The following ID3 variants were observed in gnomAD, a reference collection of about 807,000 sequenced individuals.
ID3 encodes inhibitor of DNA binding 3, also known as DNA-binding protein inhibitor ID-3.
A neutral mutation model predicts 9.6 loss-of-function variants in ID3; 4 were observed. The ratio of observed to expected loss-of-function variants is 0.42; its 90% CI spans 0.21 to 0.96. ID3 has a LOEUF of 0.96. Ranked by LOEUF, ID3 falls within the 40% of genes least tolerant of loss-of-function variation. The probability of loss-of-function intolerance (pLI) is 0.30; values close to 1 mark genes in which losing one functional copy is unlikely to be tolerated. For missense variants in ID3, 191 were observed against 164.5 expected, an observed-to-expected ratio of 1.16 and a Z score of -0.88; for synonymous variants, 108 against 75.2, an observed-to-expected ratio of 1.44 and a Z score of -2.26.
chr1:23,558,272 C>T lies in ID3; in HGVS notation c.*169G>A, dbSNP rs1223430412. On this transcript the variant is annotated 3_prime_UTR_variant, in exon 3 of 3. Transcript: ENST00000374561. Reference sequence around the variant, plus strand: ...CAGGCCACAAGTTCACAGTCCTTCGCTCCTGAGCACCAGGTTTAGTCTCCA... The same window carrying T: ...CAGGCCACAAGTTCACAGTCCTTCGTTCCTGAGCACCAGGTTTAGTCTCCA... The T allele has an allele frequency of 6.6e-6, 1 of 152,606 alleles. No individual in the cohort carries two copies. The highest frequency in any genetic ancestry group is 1.5e-5 in the Non-Finnish European group (1 of 68,186). 9.5% of individuals were successfully genotyped at this position (152,606 alleles called of 1,614,324 possible).
Position 23,558,996 on chromosome 1 carries a change from A to G in ID3, c.324T>C (p.Leu108=), listed in dbSNP as rs1401070837. 1.2e-6 allele frequency: 2 copies of G among 1,614,094 alleles called. No homozygotes were observed. Among genetic ancestry groups the G allele is most frequent in the African/African-American group, 2.7e-5 (2 of 74,944 alleles). Residue 108 remains leucine, a synonymous_variant, in exon 2 of 3, where the codon CTT becomes CTC. Coordinates refer to ENST00000374561, the MANE Select transcript of ID3 (RefSeq NM_002167.5). The stretch of plus-strand genomic sequence containing the variant: ...AGCTCCTTTTGTCGTTGGAGATGAC[A>G]AGTTCCGGAGTGAGCTCGGCTGTCT... ...PIQTAELTPE[L]VISNDKRSFC...
At position 23,559,229 on chromosome 1, in the gene ID3, C is replaced by T. The variant is rs934808402; in HGVS notation, c.198G>A (p.Gln66=). The change falls in exon 1 of 3, where the codon CAG becomes CAA. Residue 66 remains glutamine (Q), a synonymous_variant. Transcript: ENST00000374561. ...PGVPRGTQLS[Q]VEILQRVIDY... is the part of the protein sequence containing the mutation. ...CGATGACGCGCTGTAGGATTTCCAC[C>T]TGGCTAAGCTGAGTGCCTCTCGGGA... The T allele has an allele frequency of 3.7e-6, 6 of 1,614,122 alleles. No homozygotes were observed. The highest frequency in any genetic ancestry group is 1.3e-5 in the African/African-American group (1 of 74,946).
In ID3 at chr1:23,559,488, GTGACC is replaced by G. The variant is rs1643693742; in HGVS notation, c.-67_-63del. The G allele has an allele frequency of 3.2e-6, 5 of 1,539,732 alleles. No homozygotes were observed. Among genetic ancestry groups the G allele is most frequent in the African/African-American group, 1.4e-5 (1 of 73,090 alleles). The stretch of plus-strand genomic sequence containing the variant: ...GAAAACCAAAAGAAGTCCCGCTACA[GTGACC>G]TGCAACGCGCGCACGCTCGCCGCGG... On this transcript the variant is annotated 5_prime_UTR_variant, in exon 1 of 3. Coordinates refer to ENST00000374561, the MANE Select transcript of ID3 (RefSeq NM_002167.5).
intron 2 of ID3, chr1:23,558,629 GGAGGGGGCTGCCGAAGA>G (rs1307132018): frequency 3.8e-6 from 1 of 263,808 alleles, no homozygotes. Context: ...ACACTAGCTG[GGAGGGGGCTGCCGAAGA>G]CAGCTCCCTA....
rs765906626 is a variant in ID3 at position 23,559,393 on chromosome 1, C to T, written c.34G>A (p.Glu12Lys). 1.3e-4 allele frequency: 204 copies of T among 1,612,582 alleles called. No homozygotes were observed. Among genetic ancestry groups the T allele is most frequent in the African/African-American group, 2.5e-4 (19 of 75,050 alleles). ...KALSPVRGCY[E>K]AVCCLSERSL... ...CGTTCCGACAGGCAGCACACCGCCTCGTAGCAGCCGCGCACCGGGCTCAGC... is the reference window on the plus strand; with the variant it reads ...CGTTCCGACAGGCAGCACACCGCCTTGTAGCAGCCGCGCACCGGGCTCAGC... The change falls in exon 1 of 3, where the codon GAG (glutamate) becomes AAG (lysine). Residue 12 changes from glutamate to lysine, a missense_variant. Physicochemically the swap from Glu to Lys is moderately conservative, Grantham distance 56 (BLOSUM62 1). Coordinates refer to ENST00000374561, the MANE Select transcript of ID3 (RefSeq NM_002167.5).
chr1:23,558,803 A>C (rs192960463), intron 2 of ID3, 132 bp downstream of exon 2: 89 of 631,314 alleles, frequency 1.4e-4, no homozygotes, highest in Middle Eastern at 4.1e-4. Context: ...CATTTGATGC[A>C]ACCATGGGCA....
chr1:23,559,109 C>G lies in ID3; in HGVS notation c.300+18G>C. 1.9e-6 allele frequency: 3 copies of G among 1,613,484 alleles called. No homozygotes were observed. Among genetic ancestry groups the G allele is most frequent in the Middle Eastern group, 1.6e-4 (1 of 6,062 alleles). ...TCCTTGCCTGGGTGTTCAGCCCTGT[C>G]CCGACTTCGAGGCTTACCTGGATGG... On this transcript the variant is annotated intron_variant, in intron 1 of 2. Coordinates refer to ENST00000374561, the MANE Select transcript of ID3 (RefSeq NM_002167.5).
chr1:23,558,798 G>A (rs1226115602), intron 2 of ID3, 137 bp downstream of exon 2: 1 of 625,700 alleles, frequency 1.6e-6, no homozygotes, highest in East Asian at 2.8e-5. Context: ...CCATTCATTT[G>A]ATGCAACCAT....
rs753180704 is a variant in ID3 at position 23,559,290 on chromosome 1, T to C, written c.137A>G (p.His46Arg). Residue 46 changes from histidine (H) to arginine (R), a missense_variant, in exon 1 of 3, where the codon CAC (histidine) becomes CGC (arginine). Coordinates refer to ENST00000374561, the MANE Select transcript of ID3 (RefSeq NM_002167.5). ...CAGTTCCCGCAGGCGGGAGTAGCAG[T>C]GGTTCATGTCGTCCAGCAAGCTCAG... is the stretch of plus-strand genomic sequence containing the variant. ...EPLSLLDDMN[H>R]CYSRLRELVP... The C allele has an allele frequency of 6.2e-7, 1 of 1,613,994 alleles. No individual in the cohort carries two copies. Among genetic ancestry groups the C allele is most frequent in the South Asian group, 1.1e-5 (1 of 91,082 alleles).
chr1:23,558,971 A>G lies in ID3; in HGVS notation c.349T>C (p.Phe117Leu), dbSNP rs777614674. Reference protein sequence around the residue: ...ELVISNDKRSFCH With the variant: ...ELVISNDKRSLCH ...AGGACACGGCCGAGTCAGTGGCAAAAGCTCCTTTTGTCGTTGGAGATGACA... is the reference window on the plus strand; with the variant it reads ...AGGACACGGCCGAGTCAGTGGCAAAGGCTCCTTTTGTCGTTGGAGATGACA... Residue 117 changes from phenylalanine (F) to leucine (L), a missense_variant, in exon 2 of 3, where the codon TTT (phenylalanine) becomes CTT (leucine). Coordinates refer to ENST00000374561, the MANE Select transcript of ID3 (RefSeq NM_002167.5). 1 of 1,614,140 alleles carries G rather than the reference A, an allele frequency of 6.2e-7. No homozygotes were observed. Among genetic ancestry groups the G allele is most frequent in the East Asian group, 2.2e-5 (1 of 44,886 alleles).
Position 23,559,172 on chromosome 1 carries a change from G to T in ID3, c.255C>A (p.Ala85=), listed in dbSNP as rs139428797. Residue 85 remains alanine (A), a synonymous_variant, in exon 1 of 3, where the codon GCC becomes GCA. Transcript: ENST00000374561. The part of the protein sequence containing the change: ...DYILDLQVVL[A]EPAPGPPDGP... Reference sequence around the variant, plus strand: ...CATCAGGGGGTCCAGGGGCTGGCTCGGCCAGGACTACCTGCAGGTCGAGAA... The same window carrying T: ...CATCAGGGGGTCCAGGGGCTGGCTCTGCCAGGACTACCTGCAGGTCGAGAA... 6.2e-7 allele frequency: 1 copy of T among 1,614,068 alleles called. No individual in the cohort carries two copies.
At chr1:23,559,060 G>A (rs1463290429) in intron 1 of ID3, 41 bp from the exon 2 acceptor site, 14 of 1,612,516 alleles carry the variant, frequency 8.7e-6, no homozygotes, top group East Asian at 2.2e-5. Flanking sequence ...CGAGGCAATC[G>A]GGAGCTCCGA....
In ID3 at chr1:23,559,115, T is replaced by C; in HGVS notation, c.300+12A>G. 1.2e-6 allele frequency: 2 copies of C among 1,613,488 alleles called. No individual in the cohort carries two copies. Among genetic ancestry groups the C allele is most frequent in the Non-Finnish European group, 1.7e-6 (2 of 1,179,442 alleles). On this transcript the variant is annotated intron_variant, in intron 1 of 2. Transcript: ENST00000374561. ...CCTGGGTGTTCAGCCCTGTCCCGAC[T>C]TCGAGGCTTACCTGGATGGGAAGGT...
rs764184904 is a variant in ID3, at chr1:23,559,111, C to G, written c.300+16G>C. On this transcript the variant is annotated intron_variant, in intron 1 of 2. Transcript: ENST00000374561. ...CTTGCCTGGGTGTTCAGCCCTGTCC[C>G]GACTTCGAGGCTTACCTGGATGGGA... The G allele has an allele frequency of 3.1e-6, 5 of 1,613,394 alleles. No individual in the cohort carries two copies. The highest frequency in any genetic ancestry group is 1.3e-5 in the African/African-American group (1 of 75,042).
chr1:23,559,380 C>T lies in ID3; in HGVS notation c.47G>A (p.Cys16Tyr). The change falls in exon 1 of 3, where the codon TGC becomes TAC. Residue 16 changes from cysteine (C) to tyrosine (Y), a missense_variant. By Grantham distance (194) the Cys-to-Tyr change is radical. Coordinates refer to ENST00000374561, the MANE Select transcript of ID3 (RefSeq NM_002167.5). ...PVRGCYEAVCCLSERSLAIAR... is the reference protein window; with the variant it reads ...PVRGCYEAVCYLSERSLAIAR... ...GATGGCCAGACTGCGTTCCGACAGG[C>T]AGCACACCGCCTCGTAGCAGCCGCG... is the stretch of plus-strand genomic sequence containing the variant. The T allele has an allele frequency of 6.2e-7, 1 of 1,613,090 alleles. No homozygotes were observed. The highest frequency in any genetic ancestry group is 8.5e-7 in the Non-Finnish European group (1 of 1,179,922).
chr1:23,559,323 T>G lies in ID3; in HGVS notation c.104A>C (p.Glu35Ala). Residue 35 changes from glutamate (E) to alanine (A), a missense_variant, in exon 1 of 3, where the codon GAG becomes GCG. Physicochemically the swap from Glu to Ala is moderately radical, Grantham distance 107. Coordinates refer to ENST00000374561, the MANE Select transcript of ID3 (RefSeq NM_002167.5). ...ARGRGKGPAA[E>A]EPLSLLDDMN... ...GTCGTCCAGCAAGCTCAGCGGCTCC[T>G]CAGCTGCCGGGCCCTTCCCTCGGCC... 3.1e-6 allele frequency: 5 copies of G among 1,613,660 alleles called. No homozygotes were observed. The highest frequency in any genetic ancestry group is 4.2e-6 in the Non-Finnish European group (5 of 1,180,018).
Position 23,558,910 on chromosome 1 carries a change from C to T in ID3, c.*25+25G>A, listed in dbSNP as rs758320057. 1.2e-5 allele frequency: 19 copies of T among 1,523,990 alleles called. No individual in the cohort carries two copies. In the Admixed American group the frequency reaches 1.4e-4, roughly 11 times the overall value. 94.4% of individuals were successfully genotyped at this position (1,523,990 alleles called of 1,614,324 possible). A position where few individuals can be genotyped will look rare whatever the true frequency, so the allele number is the denominator to read the frequency against. On this transcript the variant is annotated intron_variant, in intron 2 of 2. Coordinates refer to ENST00000374561, the MANE Select transcript of ID3 (RefSeq NM_002167.5). ...CTCCAGGACTTGCCGTTTAAACCTC[C>T]CTCTCCAAGAGAGGAGATACTCACC...
At position 23,559,493 on chromosome 1, in the gene ID3, C is replaced by T. The variant is rs983975205; in HGVS notation, c.-67G>A. ...CCAAAAGAAGTCCCGCTACAGTGAC[C>T]TGCAACGCGCGCACGCTCGCCGCGG... On this transcript the variant is annotated 5_prime_UTR_variant, in exon 1 of 3. Coordinates refer to ENST00000374561, the MANE Select transcript of ID3 (RefSeq NM_002167.5). 4.0e-6 allele frequency: 6 copies of T among 1,507,306 alleles called. No individual in the cohort carries two copies. Among genetic ancestry groups the T allele is most frequent in the African/African-American group, 1.4e-5 (1 of 71,850 alleles). 93.4% of individuals were successfully genotyped at this position (1,507,306 alleles called of 1,614,324 possible).
At position 23,557,957 on chromosome 1, in the gene ID3, A is replaced by G. The variant is rs1465230642; in HGVS notation, c.*484T>C. The G allele has an allele frequency of 1.3e-5, 2 of 152,666 alleles. No individual in the cohort carries two copies. Among genetic ancestry groups the G allele is most frequent in the Admixed American group, 6.5e-5 (1 of 15,292 alleles). 9.5% of individuals were successfully genotyped at this position (152,666 alleles called of 1,614,324 possible). A position where few individuals can be genotyped will look rare whatever the true frequency, so the allele number is the denominator to read the frequency against. On this transcript the variant is annotated 3_prime_UTR_variant, in exon 3 of 3. Coordinates refer to ENST00000374561, the MANE Select transcript of ID3 (RefSeq NM_002167.5). ...AGTGTTTAAAAATCGTTTATTATGC[A>G]AAATGTTAACTTTTATAAAAAGTTT...
Sources: gnomAD v4.1 joint callset for allele counts on GRCh38, gnomAD v4.1.1 for gene constraint, MANE v1.5 for transcripts, NCBI Gene and HGNC (gene_info 2026-07-23, HGNC 2026-07-21) for gene names.